The following REXO1 variants were observed in gnomAD, a reference collection of about 807,000 sequenced individuals.
The protein encoded by REXO1 is REX1, RNA exonuclease 1 homolog.
REXO1 carries 42 observed loss-of-function variants against 102.6 expected under a neutral mutation model. That is an observed-to-expected ratio of 0.41 (90% confidence interval 0.32 to 0.53). The LOEUF (loss-of-function observed/expected upper bound fraction) is 0.53. Ranked by LOEUF, REXO1 falls within the 20% of genes least tolerant of loss-of-function variation. The pLI, the probability that REXO1 is intolerant of heterozygous loss-of-function variation, is 0.27. For synonymous variants in REXO1, 908 were observed against 779.1 expected, an observed-to-expected ratio of 1.17 and a Z score of -2.76; for missense variants, 1,819 against 1,732.5, an observed-to-expected ratio of 1.05 and a Z score of -0.89.
intron 1 of REXO1, among the ~76,000 whole-genome samples, chr19:1,841,359 T>A (rs1490652322): frequency 6.6e-6 from 1 of 152,218 alleles, no homozygotes; most frequent in East Asian, 1.9e-4. Context: ...TAGGGATTGC[T>A]TTGCAGAAGG....
Position 1,828,173 on chromosome 19 carries a change from C to A in REXO1, c.616G>T (p.Val206Leu). The change falls in exon 2 of 16, where the codon GTG becomes TTG. Residue 206 changes from valine to leucine, a missense_variant. By Grantham distance (32) the Val-to-Leu change is conservative. Coordinates refer to ENST00000170168, the MANE Select transcript of REXO1 (RefSeq NM_020695.4). ...CGGCTGTGCCGCCGGGGCTGGCTCA[C>A]AGCCTTGGGGACGTATTCCAGGGCA... is the stretch of plus-strand genomic sequence containing the variant. Reference protein sequence around the residue: ...GGALEYVPKAVSQPRRHSRPV... With the variant: ...GGALEYVPKALSQPRRHSRPV... 1.9e-6 allele frequency: 3 copies of A among 1,609,760 alleles called. No homozygotes were observed. Among genetic ancestry groups the A allele is most frequent in the Non-Finnish European group, 2.5e-6 (3 of 1,179,036 alleles).
chr19:1,823,331 G>A lies in REXO1; in HGVS notation c.2230+241C>T, dbSNP rs559721465. On this transcript the variant is annotated intron_variant, in intron 4 of 15. Coordinates refer to ENST00000170168, the MANE Select transcript of REXO1 (RefSeq NM_020695.4). Reference sequence around the variant, plus strand: ...GGTTCAGCCCAGTCCCCAGCAGGCTGTTGGACTCCTAGTAACCCCGGAGCT... The same window carrying A: ...GGTTCAGCCCAGTCCCCAGCAGGCTATTGGACTCCTAGTAACCCCGGAGCT... 8.6e-4 allele frequency: 339 copies of A among 393,708 alleles called. 1 individual carries two copies. The highest frequency in any genetic ancestry group is 1.9e-3 in the Middle Eastern group (3 of 1,582). The allele number at this position is 393,708 out of a possible 1,614,324, so 24.4% of individuals were successfully genotyped here.
intron 4 of REXO1, 68 bp downstream of exon 4, chr19:1,823,504 C>G: frequency 8.7e-7 from 1 of 1,150,368 alleles, no homozygotes; most frequent in African/African-American, 1.6e-5. Flanking sequence ...TCAGAGACCT[C>G]AGGGTGCCAC....
At chr19:1,836,686 C>CG (rs1043639329) in intron 1 of REXO1, among the ~76,000 whole-genome samples, 203 of 133,492 alleles carry the variant, frequency 1.5e-3, no homozygotes, top group Non-Finnish European at 2.7e-3. Context: ...GCGGAGACTG[C>CG]GGTGAGCCAA....
At chr19:1,817,169 C>G in intron 12 of REXO1, 50 bp downstream of exon 12, 1 of 1,602,270 alleles carries the variant, frequency 6.2e-7, no homozygotes, top group Non-Finnish European at 8.5e-7. Flanking sequence ...CCGCACCAGG[C>G]CAGGTCCTCC....
At chr19:1,819,212 G>A in intron 7 of REXO1, 81 bp from the exon 8 acceptor site, 2 of 1,005,184 alleles carry the variant, frequency 2.0e-6, no homozygotes, top group East Asian at 2.7e-5. Context: ...CACCCACCCT[G>A]CCCTCCTCAG....
At position 1,815,923 on chromosome 19, in the gene REXO1, TCTGGC is replaced by T. The variant is rs2069347189; in HGVS notation, c.*138_*142del. 6.5e-7 allele frequency: 1 copy of T among 1,534,478 alleles called. No individual in the cohort carries two copies. ...CGGGGGTGGGCTGGGCTGGGCGTTCTCTGGCCGCCAGCTCATCCCGCTGCTCTGGG... is the reference window on the plus strand; with the variant it reads ...CGGGGGTGGGCTGGGCTGGGCGTTCTCGCCAGCTCATCCCGCTGCTCTGGG... On this transcript the variant is annotated 3_prime_UTR_variant, in exon 16 of 16. Transcript: ENST00000170168. This position sits in a 1 kb window ranked among gnomAD's most constrained non-coding sequence, Gnocchi z 4.0.
intron 10 of REXO1, 50 bp from the exon 11 acceptor site, chr19:1,817,830 A>G (rs1257242393): frequency 2.6e-6 from 4 of 1,509,502 alleles, no homozygotes; most frequent in Non-Finnish European, 3.7e-6. Context: ...CCCACTCCAC[A>G]GCCCCCGGGG....
chr19:1,817,584 A>G (rs1360864856), intron 11 of REXO1, 123 bp downstream of exon 11: 2 of 1,442,162 alleles, frequency 1.4e-6, no homozygotes, highest in Non-Finnish European at 1.9e-6. Flanking sequence ...AACACAAGAA[A>G]GGCTGCCCGG....
At chr19:1,847,893 C>A (rs1043903197) in intron 1 of REXO1, among the ~76,000 whole-genome samples, 1 of 152,220 alleles carries the variant, frequency 6.6e-6, no homozygotes, top group African/African-American at 2.4e-5. Flanking sequence ...GCCCGTCTCC[C>A]GAGCCCCCTT....
intron 1 of REXO1, among the ~76,000 whole-genome samples, chr19:1,839,158 A>G (rs2011190932): frequency 6.6e-6 from 1 of 151,744 alleles, no homozygotes; most frequent in Non-Finnish European, 1.5e-5. Flanking sequence ...CGGGAGGCTG[A>G]GGCAAAAGTA....
chr19:1,818,387 G>T, intron 10 of REXO1, 95 bp downstream of exon 10: 1 of 931,250 alleles, frequency 1.1e-6, no homozygotes, highest in Non-Finnish European at 1.7e-6. Context: ...TGGAGGGCCT[G>T]GGTAAAGCCT....
chr19:1,833,353 G>A (rs1478540581), intron 1 of REXO1, among the ~76,000 whole-genome samples: 1 of 152,258 alleles, frequency 6.6e-6, no homozygotes, highest in African/African-American at 2.4e-5. Flanking sequence ...ACATCACACA[G>A]AAGCCACAGG....
At chr19:1,838,425 C>A (rs1475069775) in intron 1 of REXO1, among the ~76,000 whole-genome samples, 2 of 151,900 alleles carry the variant, frequency 1.3e-5, no homozygotes, top group South Asian at 4.2e-4. Flanking sequence ...TCGAGACCAG[C>A]CTGAGCAACA....
chr19:1,826,925 CGTT>C lies in REXO1; in HGVS notation c.1861_1863del (p.Asn621del), dbSNP rs1568694808. 1 of 1,583,544 alleles carries C rather than the reference CGTT, an allele frequency of 6.3e-7. No homozygotes were observed. The highest frequency in any genetic ancestry group is 8.6e-7 in the Non-Finnish European group (1 of 1,165,754). On this transcript the variant is annotated inframe_deletion, in exon 2 of 16. Transcript: ENST00000170168. This position sits in a 1 kb window ranked among gnomAD's most constrained non-coding sequence, Gnocchi z 4.3. ...TCCTCCGTCTTGACGCTGGTGGACT[CGTT>C]GAAGATCCGCAGGCACTCCTCCATG... is the stretch of plus-strand genomic sequence containing the variant.
chr19:1,821,814 G>T (rs949770804), intron 4 of REXO1, 132 bp from the exon 5 acceptor site: 1 of 787,222 alleles, frequency 1.3e-6, no homozygotes, highest in Admixed American at 2.9e-5. Flanking sequence ...GGGCCAGGGT[G>T]AGGGGCTGGG....
At chr19:1,821,714 C>T (rs777011437) in intron 4 of REXO1, 32 bp from the exon 5 acceptor site, 7 of 1,583,914 alleles carry the variant, frequency 4.4e-6, no homozygotes, top group South Asian at 2.2e-5. Context: ...GGGCACAGGG[C>T]GAGTGGCTGC....
chr19:1,847,551 G>A (rs1018743343), intron 1 of REXO1, among the ~76,000 whole-genome samples: 2 of 152,180 alleles, frequency 1.3e-5, no homozygotes, highest in African/African-American at 2.4e-5. Flanking sequence ...AAGAAACGCT[G>A]CCATGACGAT....
intron 1 of REXO1, among the ~76,000 whole-genome samples, chr19:1,844,021 T>C (rs1018019942): frequency 5.9e-5 from 9 of 152,196 alleles, no homozygotes; most frequent in African/African-American, 2.2e-4. Context: ...AACAGATCAG[T>C]AGGATCCCAG....
Sources: gnomAD v4.1 joint callset for allele counts (sites outside exome capture counted in the v4.1 genomes callset) on GRCh38, gnomAD v4.1.1 for gene constraint, Gnocchi (gnomAD v3.1) non-coding constraint, MANE v1.5 for transcripts, NCBI Gene and HGNC (gene_info 2026-07-23, HGNC 2026-07-21) for gene names.